The following TMEM260 variants were observed in gnomAD, a reference collection of about 807,000 sequenced individuals.
TMEM260 encodes transmembrane protein 260.
A neutral mutation model predicts 88.9 loss-of-function variants in TMEM260; 82 were observed. The ratio of observed to expected loss-of-function variants is 0.92; its 90% CI spans 0.77 to 1.11. The LOEUF (loss-of-function observed/expected upper bound fraction) is 1.11, where lower values mean the gene tolerates loss of function less well. TMEM260 is among the 50% of genes least tolerant of loss of function. The pLI is 0.00. For missense variants in TMEM260, 902 were observed against 853.4 expected (o/e 1.06, Z -0.71); for synonymous variants, 314 against 309.3 (o/e 1.02, Z -0.16).
At chr14:56,585,666 A>G (rs1885447381) in intron 2 of TMEM260, 95 bp from the exon 3 acceptor site, 1 of 1,212,870 alleles carries the variant, frequency 8.2e-7, no homozygotes, top group Admixed American at 2.3e-5. Context: ...TAATCTTTAT[A>G]GCTGCTTGAG....
At chr14:56,632,623 T>C (rs1767612266) in intron 12 of TMEM260, among the ~76,000 whole-genome samples, 1 of 152,186 alleles carries the variant, frequency 6.6e-6, no homozygotes, top group Admixed American at 6.5e-5. Context: ...AGCTTCCTTT[T>C]TTCCCCCATG....
chr14:56,624,681 G>T (rs1888133695), intron 11 of TMEM260, among the ~76,000 whole-genome samples: 1 of 151,490 alleles, frequency 6.6e-6, no homozygotes, highest in African/African-American at 2.4e-5. Flanking sequence ...GTCTGGTGAG[G>T]AACAGGCTCT....
At chr14:56,632,675 C>G (rs1185269870) in intron 12 of TMEM260, among the ~76,000 whole-genome samples, 1 of 151,982 alleles carries the variant, frequency 6.6e-6, no homozygotes, top group Non-Finnish European at 1.5e-5. Context: ...GTCTCAAACC[C>G]CTGGCCTCAA....
intron 12 of TMEM260, among the ~76,000 whole-genome samples, chr14:56,629,933 T>C (rs947355133): frequency 1.3e-5 from 2 of 151,830 alleles, no homozygotes; most frequent in African/African-American, 4.8e-5. Flanking sequence ...CCCAACTACT[T>C]GGGCAGCTGA....
rs150532345 is a variant in TMEM260 at position 56,602,628 on chromosome 14, A to G, written c.345-1187A>G. ...TAAGGCAGTAAAAATACAAATAGGA[A>G]TGAGTAGACAGGAAAGTAATTTGGA... On this transcript the variant is annotated intron_variant, in intron 3 of 15. Coordinates refer to ENST00000261556, the MANE Select transcript of TMEM260 (RefSeq NM_017799.4). 3.5e-3 allele frequency among the ~76,000 whole-genome samples: 530 copies of G among 152,292 alleles called. 3 individuals are homozygous for G. The highest frequency in any genetic ancestry group is 0.012 in the African/African-American group (499 of 41,576).
chr14:56,622,342 C>CA (rs71448489), intron 11 of TMEM260, among the ~76,000 whole-genome samples: 57,960 of 87,452 alleles, frequency 0.66, 19,408 homozygotes, highest in Non-Finnish European at 0.74. Flanking sequence ...GACTCCGTCT[C>CA]AAAAAAAAAA....
intron 3 of TMEM260, among the ~76,000 whole-genome samples, chr14:56,588,867 T>G (rs920500724): frequency 6.6e-6 from 1 of 151,986 alleles, no homozygotes; most frequent in South Asian, 2.1e-4. Flanking sequence ...TTCTGGGAAC[T>G]GGGGTTTTCT....
chr14:56,630,065 A>AAAGT (rs1312192875), intron 12 of TMEM260, among the ~76,000 whole-genome samples: 1 of 152,128 alleles, frequency 6.6e-6, no homozygotes, highest in African/African-American at 2.4e-5. Context: ...AAGAAAAAAA[A>AAAGT]AAGTAAGTTA....
downstream of TMEM260, among the ~76,000 whole-genome samples, chr14:56,653,218 T>TA (rs931732243): frequency 1.3e-5 from 2 of 151,332 alleles, no homozygotes; most frequent in East Asian, 2.0e-4. Flanking sequence ...AAATAAAAAA[T>TA]AAAAAAATAC....
the TMEM260 span, among the ~76,000 whole-genome samples, chr14:56,658,051 CT>C: frequency 1.3e-5 from 2 of 152,138 alleles, 1 homozygote; most frequent in South Asian, 4.1e-4. Context: ...GTGTCACCTG[CT>C]CTTAAGCTTG....
At chr14:56,652,013 A>G (rs1273898558), downstream of TMEM260, among the ~76,000 whole-genome samples, 1 of 152,246 alleles carries the variant, frequency 6.6e-6, no homozygotes, top group African/African-American at 2.4e-5. Context: ...TAAATGAAAT[A>G]TTCCCTTAGA....
At chr14:56,614,564 G>A (rs180881833) in intron 7 of TMEM260, among the ~76,000 whole-genome samples, 34 of 152,236 alleles carry the variant, frequency 2.2e-4, no homozygotes, top group Middle Eastern at 6.8e-3. Context: ...GAACTCCAAA[G>A]AACTCTTGAG....
chr14:56,614,134 C>T (rs939051333), intron 7 of TMEM260, among the ~76,000 whole-genome samples: 1 of 150,372 alleles, frequency 6.7e-6, no homozygotes, highest in Non-Finnish European at 1.5e-5. Flanking sequence ...GTCTCAAACT[C>T]TTGACCTCAG....
downstream of TMEM260, among the ~76,000 whole-genome samples, chr14:56,651,239 T>A (rs1275309107): frequency 1.3e-5 from 2 of 152,238 alleles, no homozygotes; most frequent in East Asian, 1.9e-4. Context: ...AGACAGTATT[T>A]TTAAAACAGC....
At chr14:56,582,895 ACATTT>A (rs1885230044) in intron 1 of TMEM260, among the ~76,000 whole-genome samples, 1 of 151,848 alleles carries the variant, frequency 6.6e-6, no homozygotes, top group Admixed American at 6.6e-5. Flanking sequence ...TTTTAGTTTA[ACATTT>A]GATAAGAATT....
intron 15 of TMEM260, among the ~76,000 whole-genome samples, chr14:56,638,681 C>T (rs1455851075): frequency 1.3e-5 from 2 of 152,092 alleles, no homozygotes; most frequent in Non-Finnish European, 2.9e-5. Context: ...TTACCACCCC[C>T]AGTGCTAGTT....
At chr14:56,643,939 C>A (rs1351589120) in intron 15 of TMEM260, among the ~76,000 whole-genome samples, 1 of 152,022 alleles carries the variant, frequency 6.6e-6, no homozygotes, top group Non-Finnish European at 1.5e-5. Context: ...CCTAGGAATC[C>A]AACTTACAAG....
intron 15 of TMEM260, among the ~76,000 whole-genome samples, chr14:56,645,608 C>T (rs963958629): frequency 8.2e-5 from 12 of 145,992 alleles, no homozygotes; most frequent in African/African-American, 2.9e-4. Flanking sequence ...CAAACCTGCA[C>T]GTTGTGCACA....
chr14:56,645,249 T>G (rs1296339430), intron 15 of TMEM260, among the ~76,000 whole-genome samples: 1 of 142,798 alleles, frequency 7.0e-6, no homozygotes, highest in Non-Finnish European at 1.6e-5. Context: ...CAACCCAATG[T>G]CCAACAAAGA....
Sources: allele counts gnomAD v4.1 joint callset (sites outside exome capture counted in the v4.1 genomes callset), GRCh38; gene constraint gnomAD v4.1.1; transcripts MANE v1.5; gene names NCBI Gene and HGNC (gene_info 2026-07-23, HGNC 2026-07-21).